The following DMC1 variants were observed in gnomAD, a reference collection of about 807,000 sequenced individuals.
DMC1 encodes the protein DNA meiotic recombinase 1.
A neutral mutation model predicts 50.1 loss-of-function variants in DMC1; 27 were observed. The observed-to-expected ratio is 0.54, with a 90% CI of 0.40 to 0.74. DMC1 has a LOEUF of 0.74. Among genes scored for constraint, DMC1 ranks in the 30% least tolerant of loss-of-function variants. DMC1 has a pLI of 0.00. For missense variants in DMC1, 295 were observed against 420.2 expected, an observed-to-expected ratio of 0.70 and a Z score of 2.60; for synonymous variants, 148 against 136.1, an observed-to-expected ratio of 1.09 and a Z score of -0.61.
chr22:38,521,582 C>T (rs921670460), intron 13 of DMC1, 26 bp downstream of exon 13: 13 of 1,326,856 alleles, frequency 9.8e-6, no homozygotes, highest in African/African-American at 7.8e-5. Flanking sequence ...CACACACACA[C>T]ACACACAAAA....
chr22:38,558,311 A>G (rs1047195402), intron 5 of DMC1, among the ~76,000 whole-genome samples: 2 of 152,140 alleles, frequency 1.3e-5, no homozygotes, highest in African/African-American at 4.8e-5. Flanking sequence ...TGTTTAAGAG[A>G]ATTTAATCTT....
chr22:38,520,109 C>G lies in DMC1; in HGVS notation c.954-20G>C. ...TCAGGACTAACAGAATACAAGGGAA[C>G]AGAAGTTTATAAAAAGCTCTATTTC... On this transcript the variant is annotated intron_variant, in intron 13 of 13. Coordinates refer to ENST00000216024, the MANE Select transcript of DMC1 (RefSeq NM_007068.4). 1 of 1,599,882 alleles carries G rather than the reference C, an allele frequency of 6.3e-7. No individual in the cohort carries two copies.
intron 12 of DMC1, among the ~76,000 whole-genome samples, chr22:38,536,675 C>T (rs1336317258): frequency 6.6e-6 from 1 of 151,948 alleles, no homozygotes; most frequent in Admixed American, 6.6e-5. Flanking sequence ...GTTTTTATTT[C>T]CCTAGGATCT....
chr22:38,567,729 G>T, intron 2 of DMC1, 102 bp from the exon 3 acceptor site: 1 of 870,568 alleles, frequency 1.1e-6, no homozygotes, highest in Non-Finnish European at 1.9e-6. Flanking sequence ...ACTCCAAAAT[G>T]CCTCAAATTC....
intron 5 of DMC1, among the ~76,000 whole-genome samples, chr22:38,560,225 G>T (rs760927714): frequency 6.6e-6 from 1 of 152,076 alleles, no homozygotes; most frequent in Non-Finnish European, 1.5e-5. Flanking sequence ...AGACCTGAAA[G>T]AGATGACAGC....
At chr22:38,521,473 G>A in intron 13 of DMC1, 135 bp downstream of exon 13, 1 of 635,650 alleles carries the variant, frequency 1.6e-6, no homozygotes, top group African/African-American at 1.8e-5. Context: ...GGAGCCCAAG[G>A]TGGGAGGATT....
chr22:38,546,605 G>A (rs1256591998), intron 8 of DMC1, among the ~76,000 whole-genome samples: 1 of 152,148 alleles, frequency 6.6e-6, no homozygotes, highest in Non-Finnish European at 1.5e-5. Flanking sequence ...TTTCTGAAAA[G>A]GGACTTCTGC....
intron 8 of DMC1, among the ~76,000 whole-genome samples, chr22:38,541,033 T>C (rs2090275098): frequency 6.6e-6 from 1 of 152,148 alleles, no homozygotes; most frequent in Non-Finnish European, 1.5e-5. Flanking sequence ...AAGAAATTCT[T>C]AACAGTACCT....
In DMC1 at chr22:38,557,490, G is replaced by T. The variant is rs573450589; in HGVS notation, c.327-2081C>A. 2.0e-5 allele frequency among the ~76,000 whole-genome samples: 3 copies of T among 152,124 alleles called. No individual in the cohort carries two copies. The South Asian group carries it at 6.2e-4, about 32-fold the overall frequency. On this transcript the variant is annotated intron_variant, in intron 5 of 13. Transcript: ENST00000216024. ...GGAGGCCGAGGGAGGTGGATCGCTC[G>T]AGCCTGGGAGTTCAAGACCAGCCTG...
chr22:38,542,390 G>A (rs1459393533), intron 8 of DMC1, among the ~76,000 whole-genome samples: 1 of 152,008 alleles, frequency 6.6e-6, no homozygotes, highest in Non-Finnish European at 1.5e-5. Context: ...AAAATCAGCA[G>A]CATTTCTAAA....
Position 38,524,138 on chromosome 22 carries a change from G to A in DMC1, c.837-2414C>T, listed in dbSNP as rs141965796. ...TTATAAAGAAAATAAGGGCTTGGCC[G>A]GGCACAGTGGCTCATGCCTGTAATC... On this transcript the variant is annotated intron_variant, in intron 12 of 13. Coordinates refer to ENST00000216024, the MANE Select transcript of DMC1 (RefSeq NM_007068.4). Among the ~76,000 whole-genome samples, 716 of 152,206 alleles carry A rather than the reference G, an allele frequency of 4.7e-3. 6 individuals are homozygous for A. Among genetic ancestry groups the A allele is most frequent in the African/African-American group, 0.017 (694 of 41,532 alleles).
At chr22:38,512,998 C>T in the DMC1 span, among the ~76,000 whole-genome samples, 1 of 151,968 alleles carries the variant, frequency 6.6e-6, no homozygotes, top group African/African-American at 2.4e-5. Flanking sequence ...ACAGGAGAAT[C>T]GCTTGAACCC....
At chr22:38,513,015 T>C in the DMC1 span, among the ~76,000 whole-genome samples, 1 of 148,452 alleles carries the variant, frequency 6.7e-6, no homozygotes, top group Admixed American at 6.8e-5. Flanking sequence ...ACCCAGGAGG[T>C]GGAGGTTGCA....
chr22:38,513,819 G>T, the DMC1 span, among the ~76,000 whole-genome samples: 1 of 152,212 alleles, frequency 6.6e-6, no homozygotes, highest in South Asian at 2.1e-4. Context: ...GCCCTCCTCG[G>T]CCTCTCAAAG....
At chr22:38,543,436 A>T (rs1392403230) in intron 8 of DMC1, among the ~76,000 whole-genome samples, 1 of 151,964 alleles carries the variant, frequency 6.6e-6, no homozygotes, top group Non-Finnish European at 1.5e-5. Context: ...TCACCATGTT[A>T]GCCAGGATGG....
chr22:38,520,534 T>A (rs2090013419), intron 13 of DMC1, among the ~76,000 whole-genome samples: 1 of 152,084 alleles, frequency 6.6e-6, no homozygotes, highest in South Asian at 2.1e-4. Flanking sequence ...ATTTTTGTAT[T>A]TTTAGTAGAG....
At chr22:38,552,108 G>A (rs1051426122) in intron 7 of DMC1, among the ~76,000 whole-genome samples, 4 of 151,888 alleles carry the variant, frequency 2.6e-5, no homozygotes, top group Non-Finnish European at 5.9e-5. Flanking sequence ...TGATCCGCCC[G>A]CCTCGGCCTC....
At chr22:38,540,415 C>T (rs6001148) in intron 8 of DMC1, among the ~76,000 whole-genome samples, 4,472 of 152,214 alleles carry the variant, frequency 0.029, 211 homozygotes, top group African/African-American at 0.1. Flanking sequence ...CAAAAGTATT[C>T]TGGAAGAAGC....
At chr22:38,513,196 G>C in the DMC1 span, among the ~76,000 whole-genome samples, 1 of 152,174 alleles carries the variant, frequency 6.6e-6, no homozygotes, top group African/African-American at 2.4e-5. Context: ...GGAAACCCCA[G>C]TCTAGCAGCA....
Sources: gnomAD v4.1 joint callset for allele counts (sites outside exome capture counted in the v4.1 genomes callset) on GRCh38, gnomAD v4.1.1 for gene constraint, MANE v1.5 for transcripts, NCBI Gene and HGNC (gene_info 2026-07-23, HGNC 2026-07-21) for gene names.